HID1: variants seen among roughly 807,000 people sequenced by gnomAD.
The protein encoded by HID1 is HID1 domain containing.
Under a neutral mutation model 89.7 loss-of-function variants are expected in HID1, and 42 were observed. That is an observed-to-expected ratio of 0.47 (90% CI 0.37 to 0.61). The LOEUF is 0.61. Ranked by LOEUF, HID1 falls within the 20% of genes least tolerant of loss-of-function variation. HID1 has a pLI of 0.00. For missense variants in HID1, 854 were observed against 1,039.3 expected, an observed-to-expected ratio of 0.82 and a Z score of 2.45; for synonymous variants, 442 against 433.8, an observed-to-expected ratio of 1.02 and a Z score of -0.24.
chr17:74,962,837 G>A lies in HID1; in HGVS notation c.504+128C>T. The A allele has an allele frequency of 1.5e-6, 1 of 685,048 alleles. No individual in the cohort carries two copies. Among genetic ancestry groups the A allele is most frequent in the Non-Finnish European group, 2.5e-6 (1 of 394,350 alleles). 42.4% of individuals were successfully genotyped at this position (685,048 alleles called of 1,614,324 possible). On this transcript the variant is annotated intron_variant, in intron 4 of 18. Transcript: ENST00000425042. This position sits in a 1 kb window ranked among gnomAD's most constrained non-coding sequence, Gnocchi z 4.3. The stretch of plus-strand genomic sequence containing the variant: ...CTGCCACCCAGGCCTACATGTGCCA[G>A]GCAGCTCAGCTCTCCTGGAGCCCCC...
chr17:74,952,173 G>T, intron 17 of HID1, 96 bp downstream of exon 17: 1 of 1,525,966 alleles, frequency 6.6e-7, no homozygotes, highest in Non-Finnish European at 8.9e-7. Flanking sequence ...CTAAGCCTAG[G>T]CTGGCCCCGC....
At position 74,972,755 on chromosome 17, in the gene HID1, G is replaced by A. The variant is rs1567968261; in HGVS notation, c.-99C>T. ...TCCGCGGCCCCCGCGGCTCTCGCAG[G>A]AGACAAGCGGCGCGCCCCGCCCCCG... On this transcript the variant is annotated 5_prime_UTR_variant, in exon 1 of 19. Coordinates refer to ENST00000425042, the MANE Select transcript of HID1 (RefSeq NM_030630.3). This position sits in a 1 kb window ranked among gnomAD's most constrained non-coding sequence, Gnocchi z 6.4. 6.8e-6 allele frequency: 8 copies of A among 1,173,882 alleles called. No homozygotes were observed. Among genetic ancestry groups the A allele is most frequent in the Non-Finnish European group, 9.1e-6 (8 of 883,432 alleles). 72.7% of individuals were successfully genotyped at this position (1,173,882 alleles called of 1,614,324 possible).
chr17:74,954,449 A>T, intron 13 of HID1, 84 bp from the exon 14 acceptor site: 2 of 1,539,498 alleles, frequency 1.3e-6, no homozygotes, highest in Non-Finnish European at 1.7e-6. Context: ...TGGAAGGGGG[A>T]GTTTGGAGGA....
In HID1 at chr17:74,952,260, C is replaced by T. The variant is rs2144797556; in HGVS notation, c.2144+9G>A. 1 of 1,612,032 alleles carries T rather than the reference C, an allele frequency of 6.2e-7. No homozygotes were observed. Among genetic ancestry groups the T allele is most frequent in the African/African-American group, 1.3e-5 (1 of 74,972 alleles). On this transcript the variant is annotated intron_variant, in intron 17 of 18. Coordinates refer to ENST00000425042, the MANE Select transcript of HID1 (RefSeq NM_030630.3). ...CCACAACCCCCGGCCCTGCCGGCGC[C>T]CGACTCACTTGTCAATGCAGATCTT...
intron 1 of HID1, among the ~76,000 whole-genome samples, chr17:74,971,698 G>A (rs1411778385): frequency 3.9e-5 from 6 of 152,222 alleles, no homozygotes; most frequent in Non-Finnish European, 7.3e-5. Flanking sequence ...TGTGGCCACG[G>A]TGGCCTGATT....
chr17:74,967,159 CTCG>C (rs1384568134), intron 1 of HID1, among the ~76,000 whole-genome samples: 3 of 151,818 alleles, frequency 2.0e-5, no homozygotes, highest in African/African-American at 4.8e-5. Context: ...ATCGCTTGAA[CTCG>C]GGAGTTGAAG....
intron 2 of HID1, 74 bp from the exon 3 acceptor site, chr17:74,963,984 G>A: frequency 1.3e-6 from 2 of 1,534,118 alleles, no homozygotes; most frequent in South Asian, 2.3e-5. Context: ...GTCAGGGTGG[G>A]CACCCAGGCT....
Position 74,959,740 on chromosome 17 carries a change from C to T in HID1, c.1008+141G>A. ...CCCTTCCTGCATCTTGAAACCCTCA[C>T]AGTCCTGCCACTATTTCACCTAGGG... On this transcript the variant is annotated intron_variant, in intron 8 of 18. Coordinates refer to ENST00000425042, the MANE Select transcript of HID1 (RefSeq NM_030630.3). This position sits in a 1 kb window ranked among gnomAD's most constrained non-coding sequence, Gnocchi z 4.6. The T allele has an allele frequency of 1.1e-6, 1 of 882,328 alleles. No individual in the cohort carries two copies. The highest frequency in any genetic ancestry group is 1.8e-6 in the Non-Finnish European group (1 of 549,934). The allele number at this position is 882,328 out of a possible 1,614,324, so 54.7% of individuals were successfully genotyped here. A position where few individuals can be genotyped will look rare whatever the true frequency, so the allele number is the denominator to read the frequency against.
rs774823934 is a variant in HID1, at chr17:74,955,832, G to A, written c.1596C>T (p.Leu532=). Residue 532 remains leucine (L), a synonymous_variant, in exon 13 of 19, where the codon CTC becomes CTT. Coordinates refer to ENST00000425042, the MANE Select transcript of HID1 (RefSeq NM_030630.3). ...GGATGATGTTGTTGAAGACCTCCAG[G>A]AGGAAGAAGACCAGGTGGTGGTTCT... ...AAQNHHLVFF[L]LEVFNNIIQY... is the part of the protein sequence containing the mutation. 6.2e-7 allele frequency: 1 copy of A among 1,614,192 alleles called. No homozygotes were observed. The highest frequency in any genetic ancestry group is 8.5e-7 in the Non-Finnish European group (1 of 1,180,040).
chr17:74,958,681 G>A lies in HID1; in HGVS notation c.1232C>T (p.Ala411Val). The part of the protein sequence containing the change: ...PILFFLNDAR[A>V]DQSRVGLMHI... ...CCCCACCCTGGTCTTACACTGATCG[G>A]CCCGGGCATCGTTGAGGAAGAAGAG... Residue 411 changes from alanine to valine, a missense_variant, in exon 10 of 19, where the codon GCC becomes GTC. Transcript: ENST00000425042. This position sits in a 1 kb window ranked among gnomAD's most constrained non-coding sequence, Gnocchi z 5.2. The A allele has an allele frequency of 6.2e-7, 1 of 1,606,916 alleles. No homozygotes were observed. The highest frequency in any genetic ancestry group is 8.5e-7 in the Non-Finnish European group (1 of 1,175,484).
chr17:74,960,246 TG>T lies in HID1; in HGVS notation c.730del (p.His244MetfsTer83). The T allele has an allele frequency of 6.2e-7, 1 of 1,607,594 alleles. No homozygotes were observed. The highest frequency in any genetic ancestry group is 8.5e-7 in the Non-Finnish European group (1 of 1,179,344). On this transcript the variant is annotated frameshift_variant and splice_region_variant, in exon 7 of 19. Coordinates refer to ENST00000425042, the MANE Select transcript of HID1 (RefSeq NM_030630.3). LOFTEE classifies it high-confidence loss of function. ...VQFFCSTENR[H>X]ALPLFTSLLN... ...GAGGGAGGTGAAGAGGGGCAGGGCA[TG>T]TCTGCAGCAGGAGAGGGACAAGGCT... is the stretch of plus-strand genomic sequence containing the variant.
intron 1 of HID1, among the ~76,000 whole-genome samples, chr17:74,968,235 C>T (rs374493320): frequency 1.4e-5 from 2 of 139,256 alleles, no homozygotes; most frequent in East Asian, 4.9e-4. Context: ...GTTGTTCCTG[C>T]CTCCACAGTC....
rs529361558 is a variant in HID1 at position 74,963,915 on chromosome 17, G to T, written c.217-5C>A. 1.2e-6 allele frequency: 2 copies of T among 1,613,710 alleles called. No individual in the cohort carries two copies. Among genetic ancestry groups the T allele is most frequent in the Admixed American group, 1.7e-5 (1 of 60,018 alleles). ...CTGCACCAGCTTCTCAACGGCCTGT[G>T]GGGGCAGGCAGGAGCAGAGGGCAGG... On this transcript the variant is annotated splice_polypyrimidine_tract_variant and splice_region_variant and intron_variant, in intron 2 of 18. Transcript: ENST00000425042.
Position 74,972,523 on chromosome 17 carries a change from GT to G in HID1, c.66+67del. On this transcript the variant is annotated intron_variant, in intron 1 of 18. Transcript: ENST00000425042. This position sits in a 1 kb window ranked among gnomAD's most constrained non-coding sequence, Gnocchi z 6.4. ...CCATCTCCCGACGAGCCAAGTTCGCGTACCCCCGGCCCTGCCCAGCCCCCAG... is the reference window on the plus strand; with the variant it reads ...CCATCTCCCGACGAGCCAAGTTCGCGACCCCCGGCCCTGCCCAGCCCCCAG... 1 of 1,420,072 alleles carries G rather than the reference GT, an allele frequency of 7.0e-7. No homozygotes were observed. The highest frequency in any genetic ancestry group is 2.2e-5 in the Admixed American group (1 of 45,860). 88.0% of individuals were successfully genotyped at this position (1,420,072 alleles called of 1,614,324 possible).
chr17:74,953,670 G>A lies in HID1; in HGVS notation c.1865-19C>T, dbSNP rs779509961. 7 of 1,598,418 alleles carry A rather than the reference G, an allele frequency of 4.4e-6. No homozygotes were observed. The South Asian group carries it at 4.4e-5, about 10-fold the overall frequency. On this transcript the variant is annotated intron_variant, in intron 14 of 18. Coordinates refer to ENST00000425042, the MANE Select transcript of HID1 (RefSeq NM_030630.3). ...TCAATGCCTGGGCAGGGCACAGGTGGGAGTGAGGACTCCCTGCCACAGTGA... is the reference window on the plus strand; with the variant it reads ...TCAATGCCTGGGCAGGGCACAGGTGAGAGTGAGGACTCCCTGCCACAGTGA...
At position 74,962,007 on chromosome 17, in the gene HID1, G is replaced by A. The variant is rs1287534965; in HGVS notation, c.612-18C>T. ...GCTCCATCCTTGTAGGAGGAAGGGG[G>A]AGGGCACCTTAGGATCCCAGTCCCC... On this transcript the variant is annotated intron_variant, in intron 5 of 18. Coordinates refer to ENST00000425042, the MANE Select transcript of HID1 (RefSeq NM_030630.3). The surrounding 1 kb of genome is among the most constrained non-coding windows in gnomAD (Gnocchi z 4.3). The A allele has an allele frequency of 1.3e-6, 2 of 1,528,036 alleles. No homozygotes were observed. Among genetic ancestry groups the A allele is most frequent in the African/African-American group, 1.4e-5 (1 of 72,142 alleles). 94.7% of individuals were successfully genotyped at this position (1,528,036 alleles called of 1,614,324 possible).
chr17:74,955,007 CCTTCTGGGGG>C, intron 13 of HID1: 1 of 158,528 alleles, frequency 6.3e-6, no homozygotes, highest in Admixed American at 5.9e-5. Context: ...GTGCTAAGTG[CCTTCTGGGGG>C]TTATTTTGCC....
intron 12 of HID1, 27 bp from the exon 13 acceptor site, chr17:74,955,983 T>C (rs1181836873): frequency 1.2e-6 from 2 of 1,607,214 alleles, no homozygotes; most frequent in African/African-American, 2.7e-5. Context: ...AGCTCACTCC[T>C]GGGCCCCTCA....
Position 74,953,046 on chromosome 17 carries a change from G to T in HID1, c.2012C>A (p.Thr671Asn). Residue 671 changes from threonine to asparagine, a missense_variant, in exon 16 of 19, where the codon ACC (threonine) becomes AAC (asparagine). Physicochemically the swap from Thr to Asn is moderately conservative, Grantham distance 65 (BLOSUM62 0). Transcript: ENST00000425042. ...GCTCCACTGCCCACTGGCTGATGAG[G>T]TGGACGGTCGCCGCTGCTCCCTCCA... ...QAWREQRRPS[T>N]SSASGQWSPT... is the part of the protein sequence containing the mutation. The T allele has an allele frequency of 6.2e-7, 1 of 1,609,338 alleles. No individual in the cohort carries two copies. The highest frequency in any genetic ancestry group is 8.5e-7 in the Non-Finnish European group (1 of 1,178,702).
Sources: allele counts gnomAD v4.1 joint callset (sites outside exome capture counted in the v4.1 genomes callset), GRCh38; gene constraint gnomAD v4.1.1; non-coding constraint Gnocchi (gnomAD v3.1); transcripts MANE v1.5; gene names NCBI Gene and HGNC (gene_info 2026-07-23, HGNC 2026-07-21).